The following ZDHHC3 variants were observed in gnomAD, a reference collection of about 807,000 sequenced individuals.
The protein encoded by ZDHHC3 is zDHHC palmitoyltransferase 3.
ZDHHC3 carries 9 observed loss-of-function variants against 30.6 expected under a neutral mutation model. The ratio of observed to expected loss-of-function variants is 0.29; its 90% CI spans 0.18 to 0.51. The LOEUF is 0.51. Among genes scored for constraint, ZDHHC3 ranks in the 20% least tolerant of loss-of-function variants. The pLI, the probability that ZDHHC3 is intolerant of heterozygous loss-of-function variation, is 0.97. For missense variants in ZDHHC3, 246 were observed against 384.2 expected (o/e 0.64, Z 3.01); for synonymous variants, 136 against 140.2 (o/e 0.97, Z 0.21).
chr3:44,959,048 C>T lies in ZDHHC3; in HGVS notation c.306+83G>A. ...TCCTATCCTCCAAGTTCCCAAGGTC[C>T]AGGGGGAACATGCAGGCTGTGGCCA... On this transcript the variant is annotated intron_variant, in intron 2 of 6. Transcript: ENST00000424952. The surrounding 1 kb of genome is among the most constrained non-coding windows in gnomAD (Gnocchi z 4.3). The T allele has an allele frequency of 6.5e-7, 1 of 1,533,120 alleles. No individual in the cohort carries two copies. Among genetic ancestry groups the T allele is most frequent in the Non-Finnish European group, 8.9e-7 (1 of 1,122,230 alleles). The allele number at this position is 1,533,120 out of a possible 1,614,324, so 95.0% of individuals were successfully genotyped here. A position where few individuals can be genotyped will look rare whatever the true frequency, so the allele number is the denominator to read the frequency against.
intron 3 of ZDHHC3, among the ~76,000 whole-genome samples, chr3:44,935,801 T>C (rs1160848611): frequency 6.6e-6 from 1 of 152,196 alleles, no homozygotes; most frequent in South Asian, 2.1e-4. Flanking sequence ...TGGAGATAAC[T>C]GGCCAGCCAT....
In ZDHHC3 at chr3:44,926,175, T is replaced by TTCTGA. The variant is rs1700971348; in HGVS notation, c.*509_*513dup. On this transcript the variant is annotated 3_prime_UTR_variant, in exon 7 of 7. Transcript: ENST00000424952. ...GATGAGGTCGCTGTGCCAAGGTCCCTTCTGATCCTGCCCTTCTCAGGCCTC... is the reference window on the plus strand; with the variant it reads ...GATGAGGTCGCTGTGCCAAGGTCCCTTCTGATCTGATCCTGCCCTTCTCAGGCCTC... The TTCTGA allele has an allele frequency of 5.1e-6, 5 of 985,756 alleles. No homozygotes were observed. The highest frequency in any genetic ancestry group is 6.0e-6 in the Non-Finnish European group (5 of 830,158). The allele number at this position is 985,756 out of a possible 1,614,324, so 61.1% of individuals were successfully genotyped here. A position where few individuals can be genotyped will look rare whatever the true frequency, so the allele number is the denominator to read the frequency against.
At chr3:44,972,109 C>G (rs910525964) in intron 1 of ZDHHC3, among the ~76,000 whole-genome samples, 2 of 152,080 alleles carry the variant, frequency 1.3e-5, no homozygotes, top group East Asian at 1.9e-4. Flanking sequence ...AAGGAAAAGG[C>G]CTAAAACATG....
rs1360787240 is a variant in ZDHHC3, at chr3:44,926,381, C to T, written c.*308G>A. On this transcript the variant is annotated 3_prime_UTR_variant, in exon 7 of 7. Coordinates refer to ENST00000424952, the MANE Select transcript of ZDHHC3 (RefSeq NM_001135179.2). ...CTCAGTTAGTAGAATGGGCACAGCG[C>T]GAGACAGCGCCCTCTACATTAGTCA... 1.7e-5 allele frequency: 18 copies of T among 1,082,290 alleles called. No individual in the cohort carries two copies. The highest frequency in any genetic ancestry group is 1.6e-4 in the South Asian group (4 of 25,716). 67.0% of individuals were successfully genotyped at this position (1,082,290 alleles called of 1,614,324 possible). A position where few individuals can be genotyped will look rare whatever the true frequency, so the allele number is the denominator to read the frequency against.
intron 1 of ZDHHC3, among the ~76,000 whole-genome samples, chr3:44,962,468 T>C (rs941886872): frequency 8.2e-6 from 1 of 121,428 alleles, no homozygotes; most frequent in African/African-American, 3.2e-5. Flanking sequence ...ATGGTTAAGA[T>C]GGAAATCTTA....
intron 1 of ZDHHC3, among the ~76,000 whole-genome samples, chr3:44,968,214 T>C (rs1705120599): frequency 6.6e-6 from 1 of 152,016 alleles, no homozygotes; most frequent in Non-Finnish European, 1.5e-5. Flanking sequence ...TTACACACAT[T>C]TGAGGGACCT....
intron 3 of ZDHHC3, among the ~76,000 whole-genome samples, chr3:44,939,303 G>A (rs928149285): frequency 6.6e-6 from 1 of 152,222 alleles, no homozygotes; most frequent in Non-Finnish European, 1.5e-5. Context: ...ATACATATAA[G>A]TATACATGCA....
chr3:44,972,129 G>A (rs567210193), intron 1 of ZDHHC3, among the ~76,000 whole-genome samples: 1 of 152,316 alleles, frequency 6.6e-6, no homozygotes, highest in African/African-American at 2.4e-5. Flanking sequence ...GGCCATGTCT[G>A]CTTAGGACTG....
At chr3:44,951,351 T>C (rs1703430972) in intron 2 of ZDHHC3, among the ~76,000 whole-genome samples, 1 of 152,198 alleles carries the variant, frequency 6.6e-6, no homozygotes, top group South Asian at 2.1e-4. Context: ...AACATAATGG[T>C]ACTTGTATGT....
chr3:44,922,763 G>C lies in ZDHHC3; in HGVS notation c.*3926C>G. ...GTTTCTGGTTCGGTAGCCTGGGGTGGGGACCGAGAATGTGCATTTCTAACA... is the reference window on the plus strand; with the variant it reads ...GTTTCTGGTTCGGTAGCCTGGGGTGCGGACCGAGAATGTGCATTTCTAACA... On this transcript the variant is annotated 3_prime_UTR_variant, in exon 7 of 7. Coordinates refer to ENST00000424952, the MANE Select transcript of ZDHHC3 (RefSeq NM_001135179.2). The C allele has an allele frequency of 1.0e-6, 1 of 984,728 alleles. No homozygotes were observed. The highest frequency in any genetic ancestry group is 4.7e-5 in the South Asian group (1 of 21,268). The allele number at this position is 984,728 out of a possible 1,614,324, so 61.0% of individuals were successfully genotyped here.
chr3:44,915,865 G>C lies in ZDHHC3; in HGVS notation c.*10824C>G, dbSNP rs2125765983. The C allele has an allele frequency of 6.6e-6, 1 of 152,254 alleles. No individual in the cohort carries two copies. The highest frequency in any genetic ancestry group is 2.4e-5 in the African/African-American group (1 of 41,522). 9.4% of individuals were successfully genotyped at this position (152,254 alleles called of 1,614,324 possible). A position where few individuals can be genotyped will look rare whatever the true frequency, so the allele number is the denominator to read the frequency against. ...ACTGCTGCCCCCTAGGAGACTCCAG[G>C]GGGCAGGCATTGCTTCCTCCCTAGT... is the stretch of plus-strand genomic sequence containing the variant. On this transcript the variant is annotated 3_prime_UTR_variant, in exon 7 of 7. Coordinates refer to ENST00000424952, the MANE Select transcript of ZDHHC3 (RefSeq NM_001135179.2).
At chr3:44,942,536 C>T (rs1241604372) in intron 3 of ZDHHC3, among the ~76,000 whole-genome samples, 2 of 152,212 alleles carry the variant, frequency 1.3e-5, no homozygotes, top group African/African-American at 4.8e-5. Context: ...GCGGTGGAGG[C>T]AGCTGAGGGC....
intron 1 of ZDHHC3, among the ~76,000 whole-genome samples, chr3:44,966,003 A>C (rs1378243000): frequency 6.6e-6 from 1 of 152,234 alleles, no homozygotes; most frequent in East Asian, 1.9e-4. Flanking sequence ...AGCATCAACA[A>C]AGGGCAATTA....
intron 1 of ZDHHC3, among the ~76,000 whole-genome samples, chr3:44,960,214 C>T (rs558128191): frequency 1.3e-5 from 2 of 152,296 alleles, no homozygotes; most frequent in African/African-American, 4.8e-5. Context: ...AAGATGTTTT[C>T]CTACCACCTG....
intron 3 of ZDHHC3, among the ~76,000 whole-genome samples, chr3:44,935,401 C>G (rs969322535): frequency 6.6e-6 from 1 of 152,214 alleles, no homozygotes; most frequent in Non-Finnish European, 1.5e-5. Flanking sequence ...TCCCGAACAG[C>G]TGGGACCACA....
chr3:44,945,057 G>C (rs1358332957), intron 3 of ZDHHC3, 111 bp downstream of exon 3: 1 of 1,494,892 alleles, frequency 6.7e-7, no homozygotes, highest in African/African-American at 1.4e-5. Context: ...TCCCGATGCT[G>C]ACTTGGCCCC....
rs1700356983 is a variant in ZDHHC3 at position 44,918,422 on chromosome 3, T to C, written c.*8267A>G. On this transcript the variant is annotated 3_prime_UTR_variant, in exon 7 of 7. Transcript: ENST00000424952. The stretch of plus-strand genomic sequence containing the variant: ...GTGTTCTCCACCCACCACCCAGCCC[T>C]CCCCTTCTTTCCTTCCACAAGTGCA... 1.0e-6 allele frequency: 1 copy of C among 985,170 alleles called. No individual in the cohort carries two copies. Among genetic ancestry groups the C allele is most frequent in the Admixed American group, 6.2e-5 (1 of 16,258 alleles). 61.0% of individuals were successfully genotyped at this position (985,170 alleles called of 1,614,324 possible). A position where few individuals can be genotyped will look rare whatever the true frequency, so the allele number is the denominator to read the frequency against.
rs1034788341 is a variant in ZDHHC3 at position 44,915,987 on chromosome 3, A to G, written c.*10702T>C. On this transcript the variant is annotated 3_prime_UTR_variant, in exon 7 of 7. Coordinates refer to ENST00000424952, the MANE Select transcript of ZDHHC3 (RefSeq NM_001135179.2). ...GGGCCCTACAGTCAGAGCAGCTCTTACCCAAAGTGGTGAGCGTCAACTTCC... is the reference window on the plus strand; with the variant it reads ...GGGCCCTACAGTCAGAGCAGCTCTTGCCCAAAGTGGTGAGCGTCAACTTCC... 6.6e-6 allele frequency: 1 copy of G among 152,214 alleles called. No homozygotes were observed. The highest frequency in any genetic ancestry group is 1.5e-5 in the Non-Finnish European group (1 of 68,064). The allele number at this position is 152,214 out of a possible 1,614,324, so 9.4% of individuals were successfully genotyped here.
At chr3:44,955,040 A>T (rs187609220) in intron 2 of ZDHHC3, among the ~76,000 whole-genome samples, 135 of 152,288 alleles carry the variant, frequency 8.9e-4, no homozygotes, top group Admixed American at 1.9e-3. Flanking sequence ...CTATAATGAC[A>T]TTACACAACC....
Sources: allele counts gnomAD v4.1 joint callset (sites outside exome capture counted in the v4.1 genomes callset), GRCh38; gene constraint gnomAD v4.1.1; non-coding constraint Gnocchi (gnomAD v3.1); transcripts MANE v1.5; gene names NCBI Gene and HGNC (gene_info 2026-07-23, HGNC 2026-07-21).